The following NET1 variants were observed in gnomAD, a reference collection of about 807,000 sequenced individuals.
The protein encoded by NET1 is neuroepithelial cell-transforming gene 1 protein.
In NET1, 42 loss-of-function variants were observed where a neutral mutation model predicts 61.1. The ratio of observed to expected loss-of-function variants is 0.69; its 90% CI spans 0.54 to 0.89. The LOEUF is 0.89. Among genes scored for constraint, NET1 ranks in the 40% least tolerant of loss-of-function variants. The probability of loss-of-function intolerance (pLI) is 0.00; values close to 1 mark genes in which losing one functional copy is unlikely to be tolerated. For missense variants in NET1, 654 were observed against 747.3 expected (o/e 0.88, Z 1.46); for synonymous variants, 254 against 281.8 (o/e 0.90, Z 0.99).
intron 1 of NET1, among the ~76,000 whole-genome samples, chr10:5,419,812 C>A (rs1456983458): frequency 6.6e-6 from 1 of 151,988 alleles, no homozygotes; most frequent in African/African-American, 2.4e-5. Context: ...CTGAAATTTT[C>A]TTTTTCTTTG....
chr10:5,432,926 T>TA (rs34479395), intron 3 of NET1, among the ~76,000 whole-genome samples: 37,521 of 151,976 alleles, frequency 0.25, 4,898 homozygotes, highest in Non-Finnish European at 0.29. Context: ...ACTGATACCT[T>TA]ATGTAATACC....
Position 5,457,182 on chromosome 10 carries a change from C to A in NET1, c.*188C>A. 1 of 417,512 alleles carries A rather than the reference C, an allele frequency of 2.4e-6. No homozygotes were observed. Among genetic ancestry groups the A allele is most frequent in the Non-Finnish European group, 4.1e-6 (1 of 246,784 alleles). The allele number at this position is 417,512 out of a possible 1,614,324, so 25.9% of individuals were successfully genotyped here. On this transcript the variant is annotated 3_prime_UTR_variant, in exon 12 of 12. Transcript: ENST00000355029. The surrounding 1 kb of genome is among the most constrained non-coding windows in gnomAD (Gnocchi z 5.4). ...ATACAGATTACTGTTAAATTGCAGTCCTTTTTTTTTTAAAGATATTTTCTT... is the reference window on the plus strand; with the variant it reads ...ATACAGATTACTGTTAAATTGCAGTACTTTTTTTTTTAAAGATATTTTCTT...
chr10:5,448,558 C>A (rs1832653299), intron 3 of NET1, among the ~76,000 whole-genome samples: 1 of 151,864 alleles, frequency 6.6e-6, no homozygotes, highest in Non-Finnish European at 1.5e-5. Context: ...GAGTGTTGGA[C>A]TTTTTTTCCC....
In NET1 at chr10:5,454,883, T is replaced by G. The variant is rs1832771837; in HGVS notation, c.1027-65T>G. 1.0e-5 allele frequency: 15 copies of G among 1,494,814 alleles called. No homozygotes were observed. Among genetic ancestry groups the G allele is most frequent in the South Asian group, 8.2e-5 (7 of 85,638 alleles). 92.6% of individuals were successfully genotyped at this position (1,494,814 alleles called of 1,614,324 possible). A position where few individuals can be genotyped will look rare whatever the true frequency, so the allele number is the denominator to read the frequency against. Reference sequence around the variant, plus strand: ...CTTCCATTCCATATGACATTTTTGCTCTGCAGGAAGCAGAATGAGTTAATA... The same window carrying G: ...CTTCCATTCCATATGACATTTTTGCGCTGCAGGAAGCAGAATGAGTTAATA... On this transcript the variant is annotated intron_variant, in intron 9 of 11. Coordinates refer to ENST00000355029, the MANE Select transcript of NET1 (RefSeq NM_001047160.3). The surrounding 1 kb of genome is among the most constrained non-coding windows in gnomAD (Gnocchi z 8.1).
At position 5,451,865 on chromosome 10, in the gene NET1, T is replaced by A. The variant is rs766162233; in HGVS notation, c.291T>A (p.Arg97=). 1.1e-5 allele frequency: 17 copies of A among 1,613,886 alleles called. No homozygotes were observed. Among genetic ancestry groups the A allele is most frequent in the Middle Eastern group, 3.3e-4 (2 of 6,084 alleles). Residue 97 remains arginine (R), a synonymous_variant, in exon 4 of 12, where the codon CGT becomes CGA. Transcript: ENST00000355029. The surrounding 1 kb of genome is among the most constrained non-coding windows in gnomAD (Gnocchi z 6.1). ...PSNKRVRPLA[R]VTSLANLISP... ...ATAAAAGAGTTCGACCTCTGGCTCG[T>A]GTCACGTCCTTGGCAAATTTAATCT...
rs570638386 is a variant in NET1 at position 5,453,404 on chromosome 10, C to T, written c.691+58C>T. 6.3e-7 allele frequency: 1 copy of T among 1,575,064 alleles called. No homozygotes were observed. The highest frequency in any genetic ancestry group is 1.7e-5 in the Admixed American group (1 of 59,958). ...AAAGAGCAGCGGTGCATGTAATTTT[C>T]AGTCTAAACTTCTAATGTAGTGCTG... On this transcript the variant is annotated intron_variant, in intron 7 of 11. Coordinates refer to ENST00000355029, the MANE Select transcript of NET1 (RefSeq NM_001047160.3). The surrounding 1 kb of genome is among the most constrained non-coding windows in gnomAD (Gnocchi z 4.9).
intron 1 of NET1, among the ~76,000 whole-genome samples, chr10:5,419,160 G>A (rs950109835): frequency 6.6e-6 from 1 of 152,048 alleles, no homozygotes; most frequent in Non-Finnish European, 1.5e-5. Context: ...TTCTTTGAAA[G>A]GCCATTTTGT....
At position 5,444,197 on chromosome 10, in the gene NET1, C is replaced by G. The variant is rs139205236; in HGVS notation, c.256-7633C>G. ...GGCCAACCACATCACACATACTGCC[C>G]AGGACAGACTGGACAATAGAGTAGA... On this transcript the variant is annotated intron_variant, in intron 3 of 11. Transcript: ENST00000355029. The surrounding 1 kb of genome is among the most constrained non-coding windows in gnomAD (Gnocchi z 5.3). Among the ~76,000 whole-genome samples the G allele has an allele frequency of 6.6e-6, 1 of 152,286 alleles. No homozygotes were observed. The highest frequency in any genetic ancestry group is 2.4e-5 in the African/African-American group (1 of 41,556).
At chr10:5,419,202 G>T (rs577535900) in intron 1 of NET1, among the ~76,000 whole-genome samples, 55 of 152,168 alleles carry the variant, frequency 3.6e-4, no homozygotes, top group African/African-American at 1.1e-3. Flanking sequence ...TAGCTTTCTT[G>T]TGGCTTGCTG....
In NET1 at chr10:5,443,504, G is replaced by T. The variant is rs1164727993; in HGVS notation, c.256-8326G>T. Among the ~76,000 whole-genome samples the T allele has an allele frequency of 6.6e-6, 1 of 152,098 alleles. No homozygotes were observed. The highest frequency in any genetic ancestry group is 1.5e-5 in the Non-Finnish European group (1 of 68,004). Reference sequence around the variant, plus strand: ...CTTATGAGAAAACTGAAGAGGATGGGTGAATGATCTCAGAGGGCCTGTTTA... The same window carrying T: ...CTTATGAGAAAACTGAAGAGGATGGTTGAATGATCTCAGAGGGCCTGTTTA... On this transcript the variant is annotated intron_variant, in intron 3 of 11. Transcript: ENST00000355029. This position sits in a 1 kb window ranked among gnomAD's most constrained non-coding sequence, Gnocchi z 4.8.
Position 5,453,088 on chromosome 10 carries a change from T to C in NET1, c.595-162T>C. 1.4e-6 allele frequency: 1 copy of C among 708,474 alleles called. No homozygotes were observed. Among genetic ancestry groups the C allele is most frequent in the East Asian group, 2.5e-5 (1 of 39,562 alleles). 43.9% of individuals were successfully genotyped at this position (708,474 alleles called of 1,614,324 possible). ...ACACATCCTCAAATACAAGTATTAG[T>C]AAGAGAGTTTATTTGGGGATTAATA... On this transcript the variant is annotated intron_variant, in intron 6 of 11. Coordinates refer to ENST00000355029, the MANE Select transcript of NET1 (RefSeq NM_001047160.3). This position sits in a 1 kb window ranked among gnomAD's most constrained non-coding sequence, Gnocchi z 4.9.
rs1359145117 is a variant in NET1, at chr10:5,437,268, GAT to G, written c.255+8044_255+8045del. On this transcript the variant is annotated intron_variant, in intron 3 of 11. Coordinates refer to ENST00000355029, the MANE Select transcript of NET1 (RefSeq NM_001047160.3). The surrounding 1 kb of genome is among the most constrained non-coding windows in gnomAD (Gnocchi z 4.3). ...TCATACAGTATGTGTAATGACTACA[GAT>G]ATATGATTATCCTGTATATATGCTA... Among the ~76,000 whole-genome samples the G allele has an allele frequency of 6.6e-6, 1 of 152,022 alleles. No individual in the cohort carries two copies. The highest frequency in any genetic ancestry group is 1.5e-5 in the Non-Finnish European group (1 of 68,006).
chr10:5,449,553 C>A lies in NET1; in HGVS notation c.256-2277C>A, dbSNP rs1487010225. ...TAATATGCTGCCACCCTAAAGAGAC[C>A]ACATCAACAAAACCCGTGTTCGTTT... On this transcript the variant is annotated intron_variant, in intron 3 of 11. Transcript: ENST00000355029. The surrounding 1 kb of genome is among the most constrained non-coding windows in gnomAD (Gnocchi z 4.4). 2.0e-5 allele frequency among the ~76,000 whole-genome samples: 3 copies of A among 152,152 alleles called. No homozygotes were observed. Among genetic ancestry groups the A allele is most frequent in the African/African-American group, 7.2e-5 (3 of 41,438 alleles).
chr10:5,427,153 A>C lies in NET1; in HGVS notation c.195+432A>C, dbSNP rs1200161143. Among the ~76,000 whole-genome samples the C allele has an allele frequency of 6.6e-6, 1 of 151,994 alleles. No individual in the cohort carries two copies. Among genetic ancestry groups the C allele is most frequent in the African/African-American group, 2.4e-5 (1 of 41,422 alleles). ...TCTGCTATTAATCATCTCAGCATAG[A>C]GGGACTCTATTATTTTTATAGCAGG... On this transcript the variant is annotated intron_variant, in intron 2 of 11. Transcript: ENST00000355029. This position sits in a 1 kb window ranked among gnomAD's most constrained non-coding sequence, Gnocchi z 4.1.
In NET1 at chr10:5,424,712, T is replaced by C. The variant is rs1832231865; in HGVS notation, c.129-1943T>C. The stretch of plus-strand genomic sequence containing the variant: ...AATGTTTGTTTTAAATATCTTAAGA[T>C]CTTTGCATCTAATTTCTGTTAGTGG... On this transcript the variant is annotated intron_variant, in intron 1 of 11. Transcript: ENST00000355029. The surrounding 1 kb of genome is among the most constrained non-coding windows in gnomAD (Gnocchi z 6.1). Among the ~76,000 whole-genome samples, 1 of 152,158 alleles carries C rather than the reference T, an allele frequency of 6.6e-6. No homozygotes were observed. The highest frequency in any genetic ancestry group is 6.5e-5 in the Admixed American group (1 of 15,278).
At position 5,437,310 on chromosome 10, in the gene NET1, T is replaced by A. The variant is rs774891022; in HGVS notation, c.255+8081T>A. ...TATATATGCTATAGCTTGCTTTTTT[T>A]AATTTATGTTTTATTGGTACATATA... On this transcript the variant is annotated intron_variant, in intron 3 of 11. Transcript: ENST00000355029. The surrounding 1 kb of genome is among the most constrained non-coding windows in gnomAD (Gnocchi z 4.3). Among the ~76,000 whole-genome samples the A allele has an allele frequency of 7.5e-4, 114 of 152,216 alleles. No individual in the cohort carries two copies. The highest frequency in any genetic ancestry group is 1.5e-3 in the Non-Finnish European group (103 of 68,026).
chr10:5,430,195 G>A (rs1832326094), intron 3 of NET1, among the ~76,000 whole-genome samples: 1 of 152,026 alleles, frequency 6.6e-6, no homozygotes, highest in Admixed American at 6.6e-5. Context: ...TTATTTTTAG[G>A]TATGTTTCAA....
intron 3 of NET1, among the ~76,000 whole-genome samples, chr10:5,450,763 CTTCAT>C (rs1311509578): frequency 6.6e-6 from 1 of 152,142 alleles, no homozygotes; most frequent in Non-Finnish European, 1.5e-5. Context: ...ATCTGGCATT[CTTCAT>C]TTCAGTAACT....
rs1249068396 is a variant in NET1, at chr10:5,441,878, ACTTC to A, written c.256-9948_256-9945del. Among the ~76,000 whole-genome samples, 1 of 152,188 alleles carries A rather than the reference ACTTC, an allele frequency of 6.6e-6. No individual in the cohort carries two copies. The highest frequency in any genetic ancestry group is 2.4e-5 in the African/African-American group (1 of 41,456). Reference sequence around the variant, plus strand: ...TCAAAAGTTCCACTTTTCAATTAATACTTCCTTTTTAGTAAGATTTAAAATTTTA... The same window carrying A: ...TCAAAAGTTCCACTTTTCAATTAATACTTTTTAGTAAGATTTAAAATTTTA... On this transcript the variant is annotated intron_variant, in intron 3 of 11. Coordinates refer to ENST00000355029, the MANE Select transcript of NET1 (RefSeq NM_001047160.3). This position sits in a 1 kb window ranked among gnomAD's most constrained non-coding sequence, Gnocchi z 4.6.
Sources: gnomAD v4.1 joint callset for allele counts (sites outside exome capture counted in the v4.1 genomes callset) on GRCh38, gnomAD v4.1.1 for gene constraint, Gnocchi (gnomAD v3.1) non-coding constraint, MANE v1.5 for transcripts, NCBI Gene and HGNC (gene_info 2026-07-23, HGNC 2026-07-21) for gene names.